Variants in ATXN10 observed in about 807,000 individuals in gnomAD.
The protein encoded by ATXN10 is ataxin 10.
In ATXN10, 28 loss-of-function variants were observed where a neutral mutation model predicts 52.9. That is an observed-to-expected ratio of 0.53 (90% confidence interval 0.39 to 0.73). The LOEUF (loss-of-function observed/expected upper bound fraction) is 0.73. ATXN10 is among the 30% of genes least tolerant of loss of function. The probability of loss-of-function intolerance (pLI) is 0.00; values close to 1 mark genes in which losing one functional copy is unlikely to be tolerated. For missense variants in ATXN10, 565 were observed against 577.0 expected (o/e 0.98, Z 0.21); for synonymous variants, 226 against 221.5 (o/e 1.02, Z -0.18).
Position 45,835,030 on chromosome 22 carries a change from G to T in ATXN10, c.1238-7961G>T, listed in dbSNP as rs188484411. On this transcript the variant is annotated intron_variant, in intron 10 of 11. Coordinates refer to ENST00000252934, the MANE Select transcript of ATXN10 (RefSeq NM_013236.4). This position sits in a 1 kb window ranked among gnomAD's most constrained non-coding sequence, Gnocchi z 5.0. ...ACTGCTTCGTACCACGCTTTGCTTT[G>T]AAGTGGTCAGTAAAATGATTCCAGA... Among the ~76,000 whole-genome samples, 29 of 152,342 alleles carry T rather than the reference G, an allele frequency of 1.9e-4. No homozygotes were observed. In the East Asian group the frequency reaches 5.4e-3, roughly 28 times the overall value.
rs189546601 is a variant in ATXN10 at position 45,712,478 on chromosome 22, G to A, written c.648-5935G>A. 5.3e-5 allele frequency among the ~76,000 whole-genome samples: 8 copies of A among 152,336 alleles called. No homozygotes were observed. The highest frequency in any genetic ancestry group is 3.9e-4 in the Admixed American group (6 of 15,300). On this transcript the variant is annotated intron_variant, in intron 5 of 11. Transcript: ENST00000252934. This position sits in a 1 kb window ranked among gnomAD's most constrained non-coding sequence, Gnocchi z 4.6. ...AGAAGCAGAATACCTTGATACTGAA[G>A]GGTAGACAGCGTAGCCAGTGTCACA...
At chr22:45,703,845 T>A (rs1923933770) in intron 5 of ATXN10, 1 of 152,190 alleles carries the variant, frequency 6.6e-6, no homozygotes, top group African/African-American at 2.4e-5. Flanking sequence ...ACCAAACTCA[T>A]TAGAACCTGT....
chr22:45,724,082 C>A (rs138160), intron 6 of ATXN10, among the ~76,000 whole-genome samples: 35,113 of 151,856 alleles, frequency 0.23, 4,492 homozygotes, highest in African/African-American at 0.36. Flanking sequence ...TTGTTCATTC[C>A]TCAGTTGATG....
chr22:45,792,722 T>C, intron 9 of ATXN10: 2 of 403,096 alleles, frequency 5.0e-6, no homozygotes, highest in Admixed American at 6.1e-5. Context: ...TTCAGTCTTT[T>C]TTATTTTTAA....
chr22:45,760,313 A>G (rs1488890478), intron 9 of ATXN10, among the ~76,000 whole-genome samples: 1 of 152,100 alleles, frequency 6.6e-6, no homozygotes, highest in Non-Finnish European at 1.5e-5. Context: ...TGTCCAGCAC[A>G]TGTGGGGTTT....
At chr22:45,814,234 A>G (rs915552367) in intron 10 of ATXN10, among the ~76,000 whole-genome samples, 1 of 152,242 alleles carries the variant, frequency 6.6e-6, no homozygotes, top group Admixed American at 6.5e-5. Flanking sequence ...TTTGCGTTAC[A>G]TATATCTGAC....
chr22:45,790,378 C>G lies in ATXN10; in HGVS notation c.1174-16581C>G, dbSNP rs1601647558. On this transcript the variant is annotated intron_variant, in intron 9 of 11. Transcript: ENST00000252934. The surrounding 1 kb of genome is among the most constrained non-coding windows in gnomAD (Gnocchi z 4.7). ...ACACGAGATTATCAAAACATTGCCCCCCCGCCGCCCCACACATACACCAGA... is the reference window on the plus strand; with the variant it reads ...ACACGAGATTATCAAAACATTGCCCGCCCGCCGCCCCACACATACACCAGA... 6.6e-6 allele frequency among the ~76,000 whole-genome samples: 1 copy of G among 152,102 alleles called. No individual in the cohort carries two copies. The highest frequency in any genetic ancestry group is 2.4e-5 in the African/African-American group (1 of 41,404).
In ATXN10 at chr22:45,800,341, G is replaced by A. The variant is rs186974533; in HGVS notation, c.1174-6618G>A. Among the ~76,000 whole-genome samples, 81 of 152,246 alleles carry A rather than the reference G, an allele frequency of 5.3e-4. 1 individual carries two copies. The highest frequency in any genetic ancestry group is 1.9e-3 in the African/African-American group (78 of 41,540). ...AATATTTGAATAACATTTCACTAAC[G>A]AAACAGAAATGTCCCATAAGTACCT... On this transcript the variant is annotated intron_variant, in intron 9 of 11. Coordinates refer to ENST00000252934, the MANE Select transcript of ATXN10 (RefSeq NM_013236.4).
intron 9 of ATXN10, among the ~76,000 whole-genome samples, chr22:45,804,016 A>G (rs952881988): frequency 3.9e-5 from 6 of 152,132 alleles, no homozygotes; most frequent in African/African-American, 7.2e-5. Context: ...CTACATTTGG[A>G]TAGGATATAG....
chr22:45,724,915 T>A (rs1366177720), intron 6 of ATXN10, among the ~76,000 whole-genome samples: 1 of 152,202 alleles, frequency 6.6e-6, no homozygotes, highest in East Asian at 1.9e-4. Context: ...TAGGAGGTTC[T>A]TTCCCCAGTT....
rs559677894 is a variant in ATXN10, at chr22:45,751,356, T to C, written c.1173+10818T>C. ...GATTTTTAAAAGTAAAACGTTAGCA[T>C]TGGATCTGGAGAATTTTGCTAACTG... On this transcript the variant is annotated intron_variant, in intron 9 of 11. Coordinates refer to ENST00000252934, the MANE Select transcript of ATXN10 (RefSeq NM_013236.4). Among the ~76,000 whole-genome samples, 177 of 152,212 alleles carry C rather than the reference T, an allele frequency of 1.2e-3. 4 individuals carry two copies. In the Middle Eastern group the frequency reaches 0.024, roughly 20 times the overall value.
intron 1 of ATXN10, 166 bp downstream of exon 1, chr22:45,672,345 C>T: frequency 1.4e-6 from 1 of 718,692 alleles, no homozygotes; most frequent in Non-Finnish European, 1.8e-6. Context: ...CTCCCAGGCA[C>T]CGCCTCGTGC....
At position 45,784,003 on chromosome 22, in the gene ATXN10, TC is replaced by T. The variant is rs1927240431; in HGVS notation, c.1174-22952del. Among the ~76,000 whole-genome samples the T allele has an allele frequency of 3.3e-4, 51 of 152,292 alleles. No individual in the cohort carries two copies. Among genetic ancestry groups the T allele is most frequent in the Admixed American group, 3.3e-3 (51 of 15,302 alleles). On this transcript the variant is annotated intron_variant, in intron 9 of 11. Coordinates refer to ENST00000252934, the MANE Select transcript of ATXN10 (RefSeq NM_013236.4). This position sits in a 1 kb window ranked among gnomAD's most constrained non-coding sequence, Gnocchi z 4.2. ...TTGTCCCTGACTGCTTTGCAGGCCG[TC>T]CCCTGTCCTACAGCAGGCCAGGTCT... is the stretch of plus-strand genomic sequence containing the variant.
At chr22:45,804,948 G>A (rs1601657469) in intron 9 of ATXN10, among the ~76,000 whole-genome samples, 1 of 152,090 alleles carries the variant, frequency 6.6e-6, no homozygotes, top group East Asian at 1.9e-4. Context: ...TTAACATGTT[G>A]TAATCTGGCT....
At chr22:45,679,440 CCTT>C (rs1922829302) in intron 1 of ATXN10, 1 of 152,138 alleles carries the variant, frequency 6.6e-6, no homozygotes, top group South Asian at 2.1e-4. Context: ...TGTTGACTAA[CCTT>C]CATAAAGAAA....
At chr22:45,793,897 C>T (rs1601650072) in intron 9 of ATXN10, 1 of 1,239,828 alleles carries the variant, frequency 8.1e-7, no homozygotes, top group Middle Eastern at 3.0e-4. Flanking sequence ...TGTATAGCAG[C>T]AGCAGAGGTG....
intron 9 of ATXN10, among the ~76,000 whole-genome samples, chr22:45,748,033 T>TA (rs1925802265): frequency 6.6e-6 from 1 of 152,028 alleles, no homozygotes; most frequent in Non-Finnish European, 1.5e-5. Flanking sequence ...ACCGTTTCTC[T>TA]AAAAAAATTA....
chr22:45,695,638 C>T lies in ATXN10; in HGVS notation c.391+2560C>T, dbSNP rs577748147. ...CCTCCCGAGTAGCTGGGATTACAGG[C>T]GCCTGCCGCCGCACTCGGCTGATTT... On this transcript the variant is annotated intron_variant, in intron 3 of 11. Transcript: ENST00000252934. Among the ~76,000 whole-genome samples the T allele has an allele frequency of 1.3e-4, 19 of 151,820 alleles. 1 individual carries two copies. In the East Asian group the frequency reaches 2.2e-3, roughly 17 times the overall value.
In ATXN10 at chr22:45,727,964, C is replaced by T. The variant is rs1404626866; in HGVS notation, c.729-1461C>T. Among the ~76,000 whole-genome samples the T allele has an allele frequency of 6.6e-6, 1 of 151,656 alleles. No individual in the cohort carries two copies. Among genetic ancestry groups the T allele is most frequent in the Non-Finnish European group, 1.5e-5 (1 of 67,932 alleles). On this transcript the variant is annotated intron_variant, in intron 6 of 11. Transcript: ENST00000252934. The surrounding 1 kb of genome is among the most constrained non-coding windows in gnomAD (Gnocchi z 4.6). The stretch of plus-strand genomic sequence containing the variant: ...TTTTTCCACCCCCTTTACTTTGATT[C>T]TGTAAGATTCCTTATGTTTTAGGTG...
Sources: allele counts gnomAD v4.1 joint callset (sites outside exome capture counted in the v4.1 genomes callset), GRCh38; gene constraint gnomAD v4.1.1; non-coding constraint Gnocchi (gnomAD v3.1); transcripts MANE v1.5; gene names NCBI Gene and HGNC (gene_info 2026-07-23, HGNC 2026-07-21).